Variants in STAM observed in about 807,000 individuals in gnomAD.
STAM encodes signal transducing adapter molecule 1.
A neutral mutation model predicts 63.4 loss-of-function variants in STAM; 16 were observed. That is an observed-to-expected ratio of 0.25 (90% CI 0.17 to 0.38). STAM has a LOEUF of 0.38. STAM is among the 10% of genes least tolerant of loss of function. The pLI, the probability that STAM is intolerant of heterozygous loss-of-function variation, is 1.00. For missense variants in STAM, 636 were observed against 657.1 expected, an observed-to-expected ratio of 0.97 and a Z score of 0.35; for synonymous variants, 238 against 223.9, an observed-to-expected ratio of 1.06 and a Z score of -0.56.
At chr10:17,700,362 G>T in intron 9 of STAM, 83 bp downstream of exon 9, 1 of 1,057,488 alleles carries the variant, frequency 9.5e-7, no homozygotes, top group Non-Finnish European at 1.3e-6. Context: ...TTGATTACTT[G>T]AGTTTTTTTG....
At chr10:17,649,706 C>T (rs993262796) in intron 1 of STAM, among the ~76,000 whole-genome samples, 13 of 152,174 alleles carry the variant, frequency 8.5e-5, no homozygotes, top group Non-Finnish European at 1.8e-4. Context: ...ATTCATCTGT[C>T]AGAAAACTGA....
At chr10:17,666,092 A>G (rs1451996492) in intron 2 of STAM, among the ~76,000 whole-genome samples, 1 of 152,202 alleles carries the variant, frequency 6.6e-6, no homozygotes, top group Non-Finnish European at 1.5e-5. Context: ...ATAAATACTG[A>G]TTATCTTCAA....
At chr10:17,691,273 C>A (rs1266005485) in intron 5 of STAM, among the ~76,000 whole-genome samples, 1 of 152,144 alleles carries the variant, frequency 6.6e-6, no homozygotes, top group Non-Finnish European at 1.5e-5. Flanking sequence ...AATCCTAGCA[C>A]TTTGGGAGGC....
chr10:17,690,412 T>A (rs1460700289), intron 5 of STAM, among the ~76,000 whole-genome samples: 1 of 152,216 alleles, frequency 6.6e-6, no homozygotes, highest in African/African-American at 2.4e-5. Context: ...TGTTATAAAG[T>A]ATGTAACAGC....
At chr10:17,693,174 G>A (rs1835614540) in intron 5 of STAM, 48 bp from the exon 6 acceptor site, 4 of 1,534,692 alleles carry the variant, frequency 2.6e-6, no homozygotes, top group South Asian at 1.2e-5. Flanking sequence ...GTGAGAGGAG[G>A]AGAATTTGAT....
intron 1 of STAM, among the ~76,000 whole-genome samples, chr10:17,654,761 A>G (rs1037521025): frequency 4.6e-5 from 7 of 152,158 alleles, no homozygotes; most frequent in Admixed American, 6.5e-5. Context: ...CTGCTTTTAC[A>G]TATTGGTGAT....
chr10:17,705,446 G>A lies in STAM; in HGVS notation c.1056-142G>A, dbSNP rs1219785990. The A allele has an allele frequency of 1.4e-5, 14 of 1,009,086 alleles. No homozygotes were observed. In the African/African-American group the frequency reaches 2.0e-4, roughly 14 times the overall value. The allele number at this position is 1,009,086 out of a possible 1,614,324, so 62.5% of individuals were successfully genotyped here. On this transcript the variant is annotated intron_variant, in intron 11 of 13. Coordinates refer to ENST00000377524, the MANE Select transcript of STAM (RefSeq NM_003473.4). ...GGGTTGCTTCAGGGCTAAAATGCAG[G>A]ATATTTTTGTTATAAGTGAAATTTT...
chr10:17,672,006 C>T (rs11595540), intron 2 of STAM, among the ~76,000 whole-genome samples: 2,071 of 152,188 alleles, frequency 0.014, 18 homozygotes, highest in Non-Finnish European at 0.022. Context: ...TTTTATGATA[C>T]TAAAAAGTAC....
intron 2 of STAM, among the ~76,000 whole-genome samples, chr10:17,680,741 G>T (rs868992725): frequency 3.9e-5 from 6 of 152,100 alleles, no homozygotes; most frequent in African/African-American, 1.4e-4. Context: ...TCATCTAAGG[G>T]GCATCATACA....
chr10:17,690,771 C>G (rs1564557079), intron 5 of STAM, among the ~76,000 whole-genome samples: 1 of 152,066 alleles, frequency 6.6e-6, no homozygotes, highest in African/African-American at 2.4e-5. Context: ...GATAAAGTCA[C>G]CTGACTCATA....
intron 2 of STAM, among the ~76,000 whole-genome samples, chr10:17,676,700 T>G (rs2031514): frequency 1.8e-4 from 27 of 152,004 alleles, no homozygotes; most frequent in African/African-American, 6.3e-4. Context: ...GTTAACACCA[T>G]CTTTCACTCG....
At chr10:17,645,371 A>G (rs547198478) in intron 1 of STAM, among the ~76,000 whole-genome samples, 1 of 152,214 alleles carries the variant, frequency 6.6e-6, no homozygotes, top group East Asian at 1.9e-4. Context: ...TGGATGTTGA[A>G]TTTTTCTTTT....
intron 8 of STAM, 43 bp from the exon 9 acceptor site, chr10:17,700,148 T>G: frequency 6.7e-7 from 1 of 1,486,394 alleles, no homozygotes; most frequent in Non-Finnish European, 9.2e-7. Flanking sequence ...AGTAGAATTT[T>G]AAATGTATTA....
chr10:17,665,751 G>T (rs1286984602), intron 2 of STAM, among the ~76,000 whole-genome samples: 2 of 151,504 alleles, frequency 1.3e-5, no homozygotes, highest in Non-Finnish European at 2.9e-5. Flanking sequence ...TGTAATCCCT[G>T]TTTACTTCAT....
chr10:17,697,809 G>GCTC (rs1835826742), intron 8 of STAM, among the ~76,000 whole-genome samples: 1 of 151,968 alleles, frequency 6.6e-6, no homozygotes, highest in Admixed American at 6.6e-5. Context: ...TATATGTATA[G>GCTC]GTTGATATGC....
intron 1 of STAM, 81 bp downstream of exon 1, chr10:17,644,460 C>T: frequency 1.3e-6 from 2 of 1,561,822 alleles, no homozygotes; most frequent in African/African-American, 1.4e-5. Context: ...ATTCAGGACC[C>T]TCGGGCCAGG....
chr10:17,656,953 C>A (rs184089356), intron 1 of STAM, among the ~76,000 whole-genome samples: 1 of 152,178 alleles, frequency 6.6e-6, no homozygotes, highest in Non-Finnish European at 1.5e-5. Flanking sequence ...TGTGATTCTT[C>A]CCTTAGAGTG....
Position 17,688,140 on chromosome 10 carries a change from A to T in STAM, c.411A>T (p.Glu137Asp), listed in dbSNP as rs192113928. The T allele has an allele frequency of 6.3e-7, 1 of 1,585,670 alleles. No individual in the cohort carries two copies. Among genetic ancestry groups the T allele is most frequent in the African/African-American group, 1.4e-5 (1 of 73,970 alleles). The change falls in exon 5 of 14, where the codon GAA becomes GAT. Residue 137 changes from glutamate to aspartate, a missense_variant. Glu to Asp is a conservative substitution (Grantham distance 45). Transcript: ENST00000377524. ...CAGCAATGATTAAGAACCTTAAGGA[A>T]CAAGGAGTTACGTTCCCAGCTATTG... is the stretch of plus-strand genomic sequence containing the variant. ...LISAMIKNLK[E>D]QGVTFPAIGS...
At chr10:17,645,852 A>C (rs1229783007) in intron 1 of STAM, among the ~76,000 whole-genome samples, 1 of 152,012 alleles carries the variant, frequency 6.6e-6, no homozygotes, top group Non-Finnish European at 1.5e-5. Context: ...TAGGGGAAAT[A>C]CTTAAAACAG....
Sources: allele counts gnomAD v4.1 joint callset (sites outside exome capture counted in the v4.1 genomes callset), GRCh38; gene constraint gnomAD v4.1.1; transcripts MANE v1.5; gene names NCBI Gene and HGNC (gene_info 2026-07-23, HGNC 2026-07-21).